Variants in ZNF532 observed in about 807,000 individuals in gnomAD.
ZNF532 encodes zinc finger protein 532.
Under a neutral mutation model 89.3 loss-of-function variants are expected in ZNF532, and 22 were observed. The observed-to-expected ratio is 0.25, with a 90% CI of 0.18 to 0.35. ZNF532 has a LOEUF of 0.35. ZNF532 is among the 10% of genes least tolerant of loss of function. The pLI is 1.00. For missense variants in ZNF532, 1,132 were observed against 1,643.4 expected (o/e 0.69, Z 5.38); for synonymous variants, 606 against 649.6 (o/e 0.93, Z 1.02).
At chr18:58,926,746 A>G (rs1399011930) in intron 3 of ZNF532, among the ~76,000 whole-genome samples, 1 of 152,176 alleles carries the variant, frequency 6.6e-6, no homozygotes, top group Non-Finnish European at 1.5e-5. Context: ...CACGTTCATC[A>G]CTAATAATTT....
chr18:58,885,041 T>A (rs1305508036), intron 2 of ZNF532, among the ~76,000 whole-genome samples: 1 of 150,550 alleles, frequency 6.6e-6, no homozygotes, highest in Non-Finnish European at 1.5e-5. Flanking sequence ...TAGGTTAGAG[T>A]TCAGTGGCAT....
intron 2 of ZNF532, among the ~76,000 whole-genome samples, chr18:58,909,761 C>T (rs1350741695): frequency 1.3e-5 from 2 of 152,118 alleles, no homozygotes; most frequent in African/African-American, 4.8e-5. Context: ...TATTCAGCGA[C>T]GGCATGCACT....
At chr18:58,896,063 G>A (rs752293176) in intron 2 of ZNF532, among the ~76,000 whole-genome samples, 9 of 151,892 alleles carry the variant, frequency 5.9e-5, no homozygotes, top group Admixed American at 5.2e-4. Flanking sequence ...CTGTTGCCCA[G>A]GCTGGTCTTA....
At chr18:58,944,570 C>T (rs145865799) in intron 5 of ZNF532, among the ~76,000 whole-genome samples, 65 of 152,198 alleles carry the variant, frequency 4.3e-4, no homozygotes, top group African/African-American at 1.4e-3. Flanking sequence ...ACACGGTGCC[C>T]AGTAGACCCC....
At chr18:58,925,522 T>A (rs1192778445) in intron 3 of ZNF532, among the ~76,000 whole-genome samples, 1 of 152,346 alleles carries the variant, frequency 6.6e-6, no homozygotes, top group East Asian at 1.9e-4. Context: ...TAGATACTAG[T>A]CTTTTGTTGG....
chr18:58,904,688 T>G (rs1310698265), intron 2 of ZNF532, among the ~76,000 whole-genome samples: 1 of 152,196 alleles, frequency 6.6e-6, no homozygotes. Flanking sequence ...AGTTGTTGTG[T>G]TGCGTACCAT....
At position 58,919,705 on chromosome 18, in the gene ZNF532, A is replaced by G; in HGVS notation, c.1418A>G (p.Asn473Ser). Residue 473 changes from asparagine (N) to serine (S), a missense_variant, in exon 3 of 10, where the codon AAC (asparagine) becomes AGC (serine). This residue lies in a region of ZNF532 where 97 missense variants were observed against 143.7 expected (regional missense o/e 0.68). Coordinates refer to ENST00000591808, the MANE Select transcript of ZNF532 (RefSeq NM_001375912.1). This position sits in a 1 kb window ranked among gnomAD's most constrained non-coding sequence, Gnocchi z 6.1. The part of the protein sequence containing the change: ...SQVINLKLAN[N>S]TTVKATVISA... ...GTCATTAATTTGAAGCTCGCTAACAACACCACGGTGAAAGCCACGGTCATA... is the reference window on the plus strand; with the variant it reads ...GTCATTAATTTGAAGCTCGCTAACAGCACCACGGTGAAAGCCACGGTCATA... The G allele has an allele frequency of 6.2e-7, 1 of 1,613,838 alleles. No homozygotes were observed. Among genetic ancestry groups the G allele is most frequent in the Non-Finnish European group, 8.5e-7 (1 of 1,179,902 alleles).
upstream of ZNF532, chr18:58,864,736 C>G (rs1465247576): frequency 2.6e-5 from 4 of 152,264 alleles, no homozygotes; most frequent in Non-Finnish European, 5.9e-5. Flanking sequence ...GCGAGATCCC[C>G]CCTGTGCTGA....
chr18:58,882,378 C>CT (rs2057994852), intron 2 of ZNF532, among the ~76,000 whole-genome samples: 2 of 152,226 alleles, frequency 1.3e-5, no homozygotes, highest in South Asian at 2.1e-4. Flanking sequence ...GGAAAATGGG[C>CT]TGGAAGCACC....
At chr18:58,892,764 C>T (rs1014363204) in intron 2 of ZNF532, among the ~76,000 whole-genome samples, 8 of 152,142 alleles carry the variant, frequency 5.3e-5, no homozygotes, top group African/African-American at 1.9e-4. Flanking sequence ...TGAAGGTTCC[C>T]CAAGTGGGGG....
In ZNF532 at chr18:58,919,396, C is replaced by T; in HGVS notation, c.1109C>T (p.Ser370Phe). 1 of 1,614,248 alleles carries T rather than the reference C, an allele frequency of 6.2e-7. No homozygotes were observed. The highest frequency in any genetic ancestry group is 8.5e-7 in the Non-Finnish European group (1 of 1,180,054). Residue 370 changes from serine to phenylalanine, a missense_variant, in exon 3 of 10, where the codon TCT (serine) becomes TTT (phenylalanine). Coordinates refer to ENST00000591808, the MANE Select transcript of ZNF532 (RefSeq NM_001375912.1). The surrounding 1 kb of genome is among the most constrained non-coding windows in gnomAD (Gnocchi z 6.1). The stretch of plus-strand genomic sequence containing the variant: ...CGCATAAAAACCATTAAGACATCTT[C>T]TGGGGAAATCAAGAGAACAGTGACC... ...KVRIKTIKTS[S>F]GEIKRTVTRV...
In ZNF532 at chr18:58,979,169, T is replaced by C. The variant is rs768822669; in HGVS notation, c.3263+2T>C. 12 of 1,607,870 alleles carry C rather than the reference T, an allele frequency of 7.5e-6. No individual in the cohort carries two copies. The highest frequency in any genetic ancestry group is 1.1e-5 in the South Asian group (1 of 90,766). The stretch of plus-strand genomic sequence containing the variant: ...CATCAGGAAAGTGTACGCCTGCTCG[T>C]AAGTCCTGGTTTCTAACGGAACGCA... On this transcript the variant is annotated splice_donor_variant, in intron 8 of 9. Coordinates refer to ENST00000591808, the MANE Select transcript of ZNF532 (RefSeq NM_001375912.1). LOFTEE classifies it high-confidence loss of function.
At chr18:58,961,362 C>T (rs1431112045) in intron 7 of ZNF532, among the ~76,000 whole-genome samples, 1 of 152,172 alleles carries the variant, frequency 6.6e-6, no homozygotes, top group Non-Finnish European at 1.5e-5. Flanking sequence ...GTTTGCTATG[C>T]AGAGTTTGCA....
At chr18:58,962,607 C>CT (rs566874390) in intron 7 of ZNF532, among the ~76,000 whole-genome samples, 460 of 143,660 alleles carry the variant, frequency 3.2e-3, no homozygotes, top group African/African-American at 7.4e-3. Flanking sequence ...CCCTGGCATT[C>CT]TTTTTTTTTT....
At position 58,925,130 on chromosome 18, in the gene ZNF532, G is replaced by T. The variant is rs1025182678; in HGVS notation, c.2346+4497G>T. Among the ~76,000 whole-genome samples, 12 of 152,222 alleles carry T rather than the reference G, an allele frequency of 7.9e-5. No individual in the cohort carries two copies. The East Asian group carries it at 9.7e-4, about 12-fold the overall frequency. On this transcript the variant is annotated intron_variant, in intron 3 of 9. Coordinates refer to ENST00000591808, the MANE Select transcript of ZNF532 (RefSeq NM_001375912.1). ...AAGTTTTTATTTCTCTGGGATAAAT[G>T]CCTATTTATCATCAGAGTATAACTG...
intron 7 of ZNF532, among the ~76,000 whole-genome samples, chr18:58,957,680 C>G (rs2064931333): frequency 6.6e-6 from 1 of 152,092 alleles, no homozygotes; most frequent in African/African-American, 2.4e-5. Context: ...TTCCCCTTCT[C>G]AGTTCCCATC....
At chr18:58,937,039 G>T (rs551601786) in intron 4 of ZNF532, among the ~76,000 whole-genome samples, 3 of 152,042 alleles carry the variant, frequency 2.0e-5, no homozygotes, top group African/African-American at 7.2e-5. Flanking sequence ...GGTTAACTTG[G>T]TAAAAGTTAT....
At chr18:58,888,009 C>G (rs188388889) in intron 2 of ZNF532, among the ~76,000 whole-genome samples, 2 of 152,320 alleles carry the variant, frequency 1.3e-5, no homozygotes, top group East Asian at 3.9e-4. Context: ...TAACTACTCT[C>G]CTATTCTAGT....
At chr18:58,938,031 G>A (rs2062621374) in intron 4 of ZNF532, among the ~76,000 whole-genome samples, 1 of 152,194 alleles carries the variant, frequency 6.6e-6, no homozygotes, top group Admixed American at 6.5e-5. Flanking sequence ...CAGAATGCTT[G>A]CAAAGCTTAA....
Sources: allele counts gnomAD v4.1 joint callset (sites outside exome capture counted in the v4.1 genomes callset), GRCh38; gene constraint gnomAD v4.1.1; regional missense constraint gnomAD v4.1.1; non-coding constraint Gnocchi (gnomAD v3.1); transcripts MANE v1.5; gene names NCBI Gene and HGNC (gene_info 2026-07-23, HGNC 2026-07-21).